Variants in PCDHGA5 observed in about 807,000 individuals in gnomAD.
PCDHGA5 encodes protocadherin gamma-A5.
Under a neutral mutation model 56.7 loss-of-function variants are expected in PCDHGA5, and 36 were observed. That is an observed-to-expected ratio of 0.64 (90% confidence interval 0.49 to 0.84). The LOEUF is 0.84. Ranked by LOEUF, PCDHGA5 falls within the 40% of genes least tolerant of loss-of-function variation. The probability of loss-of-function intolerance (pLI) is 0.00; values close to 1 mark genes in which losing one functional copy is unlikely to be tolerated. For synonymous variants in PCDHGA5, 563 were observed against 520.2 expected (o/e 1.08, Z -1.12); for missense variants, 1,305 against 1,201.5 (o/e 1.09, Z -1.27).
rs1430647254 is a variant in PCDHGA5 at position 141,477,750 on chromosome 5, C to T, written c.2422-17057C>T. On this transcript the variant is annotated intron_variant, in intron 1 of 3. Coordinates refer to ENST00000518069, the MANE Select transcript of PCDHGA5 (RefSeq NM_018918.3). This position sits in a 1 kb window ranked among gnomAD's most constrained non-coding sequence, Gnocchi z 4.9. ...GCTCATATCAGCGATGGGGGCACCC[C>T]GGTCCTAGCCACCAACATCAGCGTG... 8 of 1,613,772 alleles carry T rather than the reference C, an allele frequency of 5.0e-6. No individual in the cohort carries two copies. Among genetic ancestry groups the T allele is most frequent in the East Asian group, 2.2e-5 (1 of 44,890 alleles).
chr5:141,449,932 A>T (rs1275797555), intron 1 of PCDHGA5, among the ~76,000 whole-genome samples: 6 of 151,660 alleles, frequency 4.0e-5, no homozygotes, highest in Non-Finnish European at 5.9e-5. Flanking sequence ...CATACCTTAT[A>T]GTATATTTTA....
At position 141,371,437 on chromosome 5, in the gene PCDHGA5, C is replaced by A. The variant is rs1330238991; in HGVS notation, c.2421+4686C>A. 4 of 1,613,962 alleles carry A rather than the reference C, an allele frequency of 2.5e-6. 1 individual carries two copies. The highest frequency in any genetic ancestry group is 1.1e-5 in the South Asian group (1 of 91,078). On this transcript the variant is annotated intron_variant, in intron 1 of 3. Coordinates refer to ENST00000518069, the MANE Select transcript of PCDHGA5 (RefSeq NM_018918.3). ...GAAAATGACAATGCCCCGGAGATAACCCTGGCTTCTGAATCCCAACATATA... is the reference window on the plus strand; with the variant it reads ...GAAAATGACAATGCCCCGGAGATAAACCTGGCTTCTGAATCCCAACATATA...
Position 141,413,696 on chromosome 5 carries a change from A to G in PCDHGA5, c.2421+46945A>G, listed in dbSNP as rs753150251. On this transcript the variant is annotated intron_variant, in intron 1 of 3. Coordinates refer to ENST00000518069, the MANE Select transcript of PCDHGA5 (RefSeq NM_018918.3). ...GTGGGCGTGAACTCCCTGCAGAGCTATCAGCTCAGCCCCAATAAGCACTTC... is the reference window on the plus strand; with the variant it reads ...GTGGGCGTGAACTCCCTGCAGAGCTGTCAGCTCAGCCCCAATAAGCACTTC... 3.1e-6 allele frequency: 5 copies of G among 1,613,522 alleles called. No homozygotes were observed. In the Admixed American group the frequency reaches 6.7e-5, roughly 22 times the overall value.
intron 1 of PCDHGA5, among the ~76,000 whole-genome samples, chr5:141,463,224 G>C (rs1039535501): frequency 6.6e-6 from 1 of 151,958 alleles, no homozygotes; most frequent in Non-Finnish European, 1.5e-5. Context: ...AATATTCCTG[G>C]AGTTCTTTGT....
intron 1 of PCDHGA5, chr5:141,418,432 T>C (rs954268296): frequency 1.9e-6 from 3 of 1,613,838 alleles, no homozygotes; most frequent in African/African-American, 1.3e-5. Context: ...GTGGCAAATA[T>C]CCAGAATTAG....
rs1313971451 is a variant in PCDHGA5 at position 141,367,488 on chromosome 5, G to T, written c.2421+737G>T. On this transcript the variant is annotated intron_variant, in intron 1 of 3. Transcript: ENST00000518069. ...GGAGGAGGAGCTTGCAGTAAGCCGAGATCGCGCCACTGCACTCCAGCCTGG... is the reference window on the plus strand; with the variant it reads ...GGAGGAGGAGCTTGCAGTAAGCCGATATCGCGCCACTGCACTCCAGCCTGG... 2.0e-5 allele frequency: 3 copies of T among 152,134 alleles called. No individual in the cohort carries two copies. In the East Asian group the frequency reaches 5.8e-4, roughly 29 times the overall value. The allele number at this position is 152,134 out of a possible 1,614,324, so 9.4% of individuals were successfully genotyped here.
intron 1 of PCDHGA5, chr5:141,410,800 T>A: frequency 1.5e-6 from 1 of 678,550 alleles, no homozygotes; most frequent in Non-Finnish European, 2.2e-6. Context: ...TAAGTTGCTC[T>A]ATCTTTTTGT....
Position 141,485,567 on chromosome 5 carries a change from C to G in PCDHGA5, c.2422-9240C>G. The stretch of plus-strand genomic sequence containing the variant: ...CGTAGATGTGAATGATCACGCCCCC[C>G]GTTTTCCGCGGCAGCAGCTGGACTT... On this transcript the variant is annotated intron_variant, in intron 1 of 3. Transcript: ENST00000518069. This position sits in a 1 kb window ranked among gnomAD's most constrained non-coding sequence, Gnocchi z 5.7. 1 of 1,612,882 alleles carries G rather than the reference C, an allele frequency of 6.2e-7. No individual in the cohort carries two copies. The highest frequency in any genetic ancestry group is 8.5e-7 in the Non-Finnish European group (1 of 1,178,978).
chr5:141,428,949 G>T (rs2097173007), intron 1 of PCDHGA5: 1 of 152,034 alleles, frequency 6.6e-6, no homozygotes, highest in Admixed American at 6.6e-5. Flanking sequence ...CTGCCTTCCG[G>T]GTTCTGGCCA....
intron 1 of PCDHGA5, chr5:141,371,963 G>A: frequency 6.2e-7 from 1 of 1,613,264 alleles, no homozygotes; most frequent in Non-Finnish European, 8.5e-7. Context: ...TCGACCACGA[G>A]CAGCTGCGTG....
chr5:141,366,262 G>A lies in PCDHGA5; in HGVS notation c.1932G>A (p.Val644=). Residue 644 remains valine (V), a synonymous_variant, in exon 1 of 4, where the codon GTG becomes GTA. Coordinates refer to ENST00000518069, the MANE Select transcript of PCDHGA5 (RefSeq NM_018918.3). The part of the protein sequence containing the change: ...DRDALKQSLV[V]AVEDHGQPPL... Reference sequence around the variant, plus strand: ...ACGCGCTCAAGCAGAGCCTCGTGGTGGCCGTCGAAGACCATGGCCAGCCCC... The same window carrying A: ...ACGCGCTCAAGCAGAGCCTCGTGGTAGCCGTCGAAGACCATGGCCAGCCCC... 1 of 1,613,718 alleles carries A rather than the reference G, an allele frequency of 6.2e-7. No homozygotes were observed. The highest frequency in any genetic ancestry group is 8.5e-7 in the Non-Finnish European group (1 of 1,180,032).
chr5:141,415,828 G>T, intron 1 of PCDHGA5: 1 of 1,293,336 alleles, frequency 7.7e-7, no homozygotes, highest in East Asian at 2.8e-5. Flanking sequence ...ATAAGGCTTT[G>T]TTATGATTAG....
chr5:141,500,182 A>ATTTT lies in PCDHGA5; in HGVS notation c.2481-5209_2481-5206dup, dbSNP rs1199992745. Among the ~76,000 whole-genome samples the ATTTT allele has an allele frequency of 1.7e-3, 223 of 131,716 alleles. 2 individuals are homozygous for ATTTT. Among genetic ancestry groups the ATTTT allele is most frequent in the African/African-American group, 6.2e-3 (201 of 32,350 alleles). The allele number at this position is 131,716 out of a possible 152,430, so 86.4% of individuals were successfully genotyped here. On this transcript the variant is annotated intron_variant, in intron 2 of 3. Transcript: ENST00000518069. ...AAGAACATGCATGAGCTTCATTTTT[A>ATTTT]TTTTTATTTATTTATTTATTTATTT...
At chr5:141,403,746 C>T (rs773668506) in intron 1 of PCDHGA5, 1 of 1,613,904 alleles carries the variant, frequency 6.2e-7, no homozygotes, top group South Asian at 1.1e-5. Context: ...CTTACTGCAA[C>T]AGCCAGCGAC....
chr5:141,487,351 T>A lies in PCDHGA5; in HGVS notation c.2422-7456T>A. 6.2e-7 allele frequency: 1 copy of A among 1,614,210 alleles called. No individual in the cohort carries two copies. The highest frequency in any genetic ancestry group is 8.5e-7 in the Non-Finnish European group (1 of 1,180,038). On this transcript the variant is annotated intron_variant, in intron 1 of 3. Transcript: ENST00000518069. The surrounding 1 kb of genome is among the most constrained non-coding windows in gnomAD (Gnocchi z 5.0). ...GGGCAGCCTGTGGAGTCACATGCTT[T>A]CCTGCTGGCACCTGTGCCTGTCTCA...
chr5:141,429,395 A>T (rs545207705), intron 1 of PCDHGA5, among the ~76,000 whole-genome samples: 166 of 152,126 alleles, frequency 1.1e-3, no homozygotes, highest in African/African-American at 3.8e-3. Flanking sequence ...TTTAAAAAAA[A>T]TTGAGATTAA....
At chr5:141,407,621 T>C (rs993791058) in intron 1 of PCDHGA5, among the ~76,000 whole-genome samples, 1 of 152,202 alleles carries the variant, frequency 6.6e-6, no homozygotes, top group African/African-American at 2.4e-5. Flanking sequence ...GTTGACATTC[T>C]ATATCTCGTA....
chr5:141,469,603 GTAAAA>G (rs929191572), intron 1 of PCDHGA5, among the ~76,000 whole-genome samples: 9 of 152,038 alleles, frequency 5.9e-5, no homozygotes, highest in Admixed American at 1.3e-4. Context: ...AACAAAATAA[GTAAAA>G]TAAAATAAAT....
chr5:141,407,659 T>C (rs1443799600), intron 1 of PCDHGA5, among the ~76,000 whole-genome samples: 1 of 152,136 alleles, frequency 6.6e-6, no homozygotes, highest in East Asian at 1.9e-4. Flanking sequence ...GGGAGCGCAG[T>C]ATATATTAAA....
Sources: gnomAD v4.1 joint callset for allele counts (sites outside exome capture counted in the v4.1 genomes callset) on GRCh38, gnomAD v4.1.1 for gene constraint, Gnocchi (gnomAD v3.1) non-coding constraint, MANE v1.5 for transcripts, NCBI Gene and HGNC (gene_info 2026-07-23, HGNC 2026-07-21) for gene names.